Variants in CADM1 observed in about 807,000 individuals in gnomAD.
CADM1 encodes cell adhesion molecule 1.
Under a neutral mutation model 53.1 loss-of-function variants are expected in CADM1, and 15 were observed. The ratio of observed to expected loss-of-function variants is 0.28; its 90% confidence interval spans 0.19 to 0.44. CADM1 has a LOEUF of 0.44. CADM1 is among the 20% of genes least tolerant of loss of function. The pLI is 1.00. For synonymous variants in CADM1, 281 were observed against 243.0 expected (o/e 1.16, Z -1.45); for missense variants, 434 against 611.3 (o/e 0.71, Z 3.06).
intron 1 of CADM1, among the ~76,000 whole-genome samples, chr11:115,322,226 G>A (rs762667183): frequency 2.0e-4 from 31 of 152,196 alleles, no homozygotes; most frequent in Non-Finnish European, 1.5e-4. Flanking sequence ...TCGTGAATTT[G>A]TTTGTTCAAT....
intron 1 of CADM1, among the ~76,000 whole-genome samples, chr11:115,478,898 G>T (rs549445565): frequency 2.0e-5 from 3 of 152,082 alleles, no homozygotes; most frequent in Admixed American, 2.0e-4. Flanking sequence ...TGTATGGACA[G>T]ATCATAATTT....
chr11:115,190,837 A>G lies in CADM1; in HGVS notation c.1165+51T>C, dbSNP rs930076565. ...ATGGCCATTTTGTAGAAGTGGATAG[A>G]GCACCCACAGGTTGGACACTGCAGT... On this transcript the variant is annotated intron_variant, in intron 10 of 11. Coordinates refer to ENST00000331581, the MANE Select transcript of CADM1 (RefSeq NM_001301043.2). The G allele has an allele frequency of 3.4e-6, 5 of 1,466,256 alleles. No individual in the cohort carries two copies. In the East Asian group the frequency reaches 6.9e-5, roughly 20 times the overall value. The allele number at this position is 1,466,256 out of a possible 1,614,324, so 90.8% of individuals were successfully genotyped here. A position where few individuals can be genotyped will look rare whatever the true frequency, so the allele number is the denominator to read the frequency against.
At chr11:115,382,667 T>A (rs1946607863) in intron 1 of CADM1, among the ~76,000 whole-genome samples, 1 of 152,154 alleles carries the variant, frequency 6.6e-6, no homozygotes, top group Non-Finnish European at 1.5e-5. Context: ...AGGAAATCAT[T>A]ATTTTCTCAC....
chr11:115,221,529 T>C (rs1382141586), intron 5 of CADM1, among the ~76,000 whole-genome samples: 1 of 152,182 alleles, frequency 6.6e-6, no homozygotes, highest in African/African-American at 2.4e-5. Flanking sequence ...GGAAAAAATA[T>C]ATAAAAGGAA....
At chr11:115,224,300 AT>A (rs776296296) in intron 5 of CADM1, among the ~76,000 whole-genome samples, 35 of 151,412 alleles carry the variant, frequency 2.3e-4, no homozygotes, top group Non-Finnish European at 5.0e-4. Flanking sequence ...AAAAAAAAAA[AT>A]CTACCCTTCT....
chr11:115,353,161 G>A (rs1045962654), intron 1 of CADM1, among the ~76,000 whole-genome samples: 6 of 152,216 alleles, frequency 3.9e-5, no homozygotes, highest in Non-Finnish European at 8.8e-5. Flanking sequence ...AAGAAAAACG[G>A]AAATGGGTAC....
intron 1 of CADM1, among the ~76,000 whole-genome samples, chr11:115,412,525 C>CA (rs1432704053): frequency 6.6e-6 from 1 of 152,144 alleles, no homozygotes; most frequent in African/African-American, 2.4e-5. Flanking sequence ...AAAAATGATT[C>CA]AAAATTGCTT....
chr11:115,393,890 CACCG>C (rs1209835653), intron 1 of CADM1, among the ~76,000 whole-genome samples: 1 of 151,986 alleles, frequency 6.6e-6, no homozygotes, highest in Non-Finnish European at 1.5e-5. Flanking sequence ...AATACAGAGT[CACCG>C]ACCACGGTAA....
chr11:115,500,239 T>C (rs905613245), intron 1 of CADM1, among the ~76,000 whole-genome samples: 91 of 152,168 alleles, frequency 6.0e-4, no homozygotes, highest in African/African-American at 2.0e-3. Context: ...AATTATAGCA[T>C]TGATTAGTTT....
chr11:115,216,827 C>A (rs1342614658), intron 6 of CADM1, among the ~76,000 whole-genome samples: 1 of 152,172 alleles, frequency 6.6e-6, no homozygotes, highest in Admixed American at 6.5e-5. Context: ...GGTCTCTTGT[C>A]ATAGATCATT....
At chr11:115,482,729 T>C (rs1949285948) in intron 1 of CADM1, among the ~76,000 whole-genome samples, 1 of 152,194 alleles carries the variant, frequency 6.6e-6, no homozygotes, top group African/African-American at 2.4e-5. Context: ...GAGCTGACAA[T>C]CTCACAGAAT....
At chr11:115,476,561 G>A (rs888127640) in intron 1 of CADM1, among the ~76,000 whole-genome samples, 2 of 152,188 alleles carry the variant, frequency 1.3e-5, no homozygotes, top group African/African-American at 2.4e-5. Flanking sequence ...CCAGGAGCAC[G>A]CTGCGTGGTA....
rs980879225 is a variant in CADM1, at chr11:115,371,476, C to A, written c.125-131056G>T. 2.6e-5 allele frequency among the ~76,000 whole-genome samples: 4 copies of A among 152,030 alleles called. No individual in the cohort carries two copies. In the East Asian group the frequency reaches 7.7e-4, roughly 29 times the overall value. On this transcript the variant is annotated intron_variant, in intron 1 of 11. Transcript: ENST00000331581. ...AGATAAACTGGAATAATAAACAATA[C>A]TCAACACAAAATAAGACAGAAAAAG...
intron 1 of CADM1, among the ~76,000 whole-genome samples, chr11:115,289,804 C>T (rs570303090): frequency 1.2e-3 from 177 of 152,082 alleles, no homozygotes; most frequent in Admixed American, 2.9e-3. Flanking sequence ...ACTGCATTAG[C>T]CAGGATGGTC....
chr11:115,487,493 A>G (rs1330822715), intron 1 of CADM1, among the ~76,000 whole-genome samples: 2 of 152,160 alleles, frequency 1.3e-5, no homozygotes, highest in Admixed American at 6.5e-5. Context: ...AAACAAGGAT[A>G]AAGAGATGTA....
At chr11:115,199,086 A>G (rs1940297969) in intron 8 of CADM1, among the ~76,000 whole-genome samples, 1 of 152,206 alleles carries the variant, frequency 6.6e-6, no homozygotes, top group South Asian at 2.1e-4. Flanking sequence ...CAAGGTTTTC[A>G]CAGATTAGTT....
At chr11:115,179,061 T>C (rs1939185429) in intron 10 of CADM1, 2 of 425,210 alleles carry the variant, frequency 4.7e-6, no homozygotes, top group Admixed American at 3.4e-5. Context: ...TATCCGGCCC[T>C]GACCTAGTCT....
Position 115,189,482 on chromosome 11 carries a change from C to T in CADM1, c.1165+1406G>A, listed in dbSNP as rs566410871. Reference sequence around the variant, plus strand: ...GTATCAAAGAGAGTTGTTTTCTTTACGGTCAACCAGAACTGAGACTGTCTA... The same window carrying T: ...GTATCAAAGAGAGTTGTTTTCTTTATGGTCAACCAGAACTGAGACTGTCTA... On this transcript the variant is annotated intron_variant, in intron 10 of 11. Transcript: ENST00000331581. 1.2e-4 allele frequency among the ~76,000 whole-genome samples: 19 copies of T among 152,242 alleles called. 1 individual carries two copies. The highest frequency in any genetic ancestry group is 2.0e-4 in the Admixed American group (3 of 15,298).
At chr11:115,178,539 G>T (rs550200138) in intron 11 of CADM1, 105 bp downstream of exon 11, 5 of 857,238 alleles carry the variant, frequency 5.8e-6, no homozygotes, top group Non-Finnish European at 9.5e-6. Context: ...CAGATAGGCC[G>T]TGTGGCCACA....
Sources: allele counts gnomAD v4.1 joint callset (sites outside exome capture counted in the v4.1 genomes callset), GRCh38; gene constraint gnomAD v4.1.1; transcripts MANE v1.5; gene names NCBI Gene and HGNC (gene_info 2026-07-23, HGNC 2026-07-21).